Variants in LEPR observed in about 807,000 individuals in gnomAD.
LEPR encodes OB receptor.
LEPR carries 56 observed loss-of-function variants against 114.7 expected under a neutral mutation model. The ratio of observed to expected loss-of-function variants is 0.49; its 90% CI spans 0.39 to 0.61. The LOEUF is 0.61. LEPR is among the 20% of genes least tolerant of loss of function. The probability of loss-of-function intolerance (pLI) is 0.00; values close to 1 mark genes in which losing one functional copy is unlikely to be tolerated. For synonymous variants in LEPR, 443 were observed against 461.4 expected, an observed-to-expected ratio of 0.96 and a Z score of 0.51; for missense variants, 1,202 against 1,352.9, an observed-to-expected ratio of 0.89 and a Z score of 1.75.
At chr1:65,541,973 G>A (rs1651219906) in intron 2 of LEPR, among the ~76,000 whole-genome samples, 1 of 152,060 alleles carries the variant, frequency 6.6e-6, no homozygotes, top group South Asian at 2.1e-4. Context: ...AATTTGATAG[G>A]TAAAAATAAC....
At chr1:65,546,128 T>C (rs1366121591) in intron 2 of LEPR, among the ~76,000 whole-genome samples, 1 of 151,790 alleles carries the variant, frequency 6.6e-6, no homozygotes, top group Non-Finnish European at 1.5e-5. Flanking sequence ...AGATATGCAG[T>C]GTTATTTCTG....
intron 1 of LEPR, among the ~76,000 whole-genome samples, chr1:65,422,361 G>C (rs1434872770): frequency 6.6e-6 from 1 of 152,196 alleles, no homozygotes; most frequent in African/African-American, 2.4e-5. Context: ...CAACCACTGA[G>C]TGTTAGGAAG....
intron 2 of LEPR, among the ~76,000 whole-genome samples, chr1:65,539,417 T>A (rs973060817): frequency 6.6e-6 from 1 of 152,210 alleles, no homozygotes; most frequent in African/African-American, 2.4e-5. Flanking sequence ...ATGTGACTTC[T>A]GTGCATATGG....
intron 2 of LEPR, among the ~76,000 whole-genome samples, chr1:65,470,040 C>T (rs528182737): frequency 6.6e-6 from 1 of 152,330 alleles, no homozygotes; most frequent in East Asian, 1.9e-4. Context: ...GGAAATGTTT[C>T]CCTCTCTGCC....
intron 5 of LEPR, among the ~76,000 whole-genome samples, chr1:65,578,533 T>C (rs1162835861): frequency 1.3e-5 from 2 of 152,108 alleles, no homozygotes; most frequent in Non-Finnish European, 2.9e-5. Context: ...GGCTACACTT[T>C]GAACAAAAGG....
At chr1:65,451,896 C>A (rs1189226391) in intron 2 of LEPR, among the ~76,000 whole-genome samples, 3 of 151,772 alleles carry the variant, frequency 2.0e-5, no homozygotes, top group African/African-American at 4.8e-5. Context: ...AATATTGATT[C>A]TTCCTACCCA....
intron 2 of LEPR, among the ~76,000 whole-genome samples, chr1:65,462,398 A>T (rs1185259072): frequency 1.3e-5 from 2 of 152,194 alleles, no homozygotes; most frequent in African/African-American, 2.4e-5. Flanking sequence ...CCGTTCTATC[A>T]TTGATAGACA....
At chr1:65,566,400 A>G (rs1263595772) in intron 3 of LEPR, among the ~76,000 whole-genome samples, 1 of 151,982 alleles carries the variant, frequency 6.6e-6, no homozygotes. Flanking sequence ...ACGGGGTTTC[A>G]CTGCGTTGGC....
intron 2 of LEPR, among the ~76,000 whole-genome samples, chr1:65,558,283 A>G (rs1242720688): frequency 6.6e-6 from 1 of 152,204 alleles, no homozygotes; most frequent in Non-Finnish European, 1.5e-5. Context: ...AACCATTGTG[A>G]TATCAGTGTA....
At chr1:65,503,966 A>G (rs2100532159) in intron 2 of LEPR, among the ~76,000 whole-genome samples, 1 of 152,256 alleles carries the variant, frequency 6.6e-6, no homozygotes, top group Non-Finnish European at 1.5e-5. Context: ...CAGGAAGCAT[A>G]CAATATAAGT....
chr1:65,569,694 C>A (rs567409617), intron 3 of LEPR, among the ~76,000 whole-genome samples: 1 of 111,972 alleles, frequency 8.9e-6, no homozygotes, highest in Non-Finnish European at 1.7e-5. Flanking sequence ...GCAACAAGAG[C>A]GAAATTCCAT....
intron 5 of LEPR, among the ~76,000 whole-genome samples, chr1:65,573,034 C>T (rs1022144013): frequency 1.3e-5 from 2 of 152,198 alleles, no homozygotes; most frequent in Admixed American, 1.3e-4. Context: ...CCTGGCTCCC[C>T]TCGTCAGAGC....
chr1:65,525,489 C>T (rs541927952), intron 2 of LEPR: 178 of 304,816 alleles, frequency 5.8e-4, no homozygotes, highest in Non-Finnish European at 7.8e-4. Flanking sequence ...GCATTCCCCG[C>T]CGCCGCCCCC....
chr1:65,491,980 A>G (rs1311064443), intron 2 of LEPR, among the ~76,000 whole-genome samples: 1 of 152,152 alleles, frequency 6.6e-6, no homozygotes, highest in Non-Finnish European at 1.5e-5. Context: ...TTTAGAATTT[A>G]GCTAAGAATA....
chr1:65,484,690 A>G (rs10159112), intron 2 of LEPR, among the ~76,000 whole-genome samples: 29,321 of 152,040 alleles, frequency 0.19, 3,392 homozygotes, highest in African/African-American at 0.33. Flanking sequence ...TCTGGCTTCA[A>G]TAATAACTCA....
chr1:65,637,202 T>A lies in LEPR; in HGVS notation c.*187T>A. ...AAATTTGAGAAAGCCTTCATAAGCCTACCAATGTAGACACGCTCTTCTATT... is the reference window on the plus strand; with the variant it reads ...AAATTTGAGAAAGCCTTCATAAGCCAACCAATGTAGACACGCTCTTCTATT... On this transcript the variant is annotated 3_prime_UTR_variant, in exon 20 of 20. Coordinates refer to ENST00000349533, the MANE Select transcript of LEPR (RefSeq NM_002303.6). The A allele has an allele frequency of 1.7e-6, 1 of 585,178 alleles. No individual in the cohort carries two copies. The highest frequency in any genetic ancestry group is 2.9e-6 in the Non-Finnish European group (1 of 347,970). The allele number at this position is 585,178 out of a possible 1,614,324, so 36.2% of individuals were successfully genotyped here.
At chr1:65,463,775 CTT>C (rs1646975973) in intron 2 of LEPR, among the ~76,000 whole-genome samples, 1 of 152,088 alleles carries the variant, frequency 6.6e-6, no homozygotes, top group South Asian at 2.1e-4. Flanking sequence ...ATTTTATCCT[CTT>C]TGTATTAATT....
intron 2 of LEPR, among the ~76,000 whole-genome samples, chr1:65,484,523 C>T (rs1647383388): frequency 6.6e-6 from 1 of 152,038 alleles, no homozygotes; most frequent in South Asian, 2.1e-4. Flanking sequence ...GTGGACTGTA[C>T]AAAGAGAGCG....
At chr1:65,605,876 T>G (rs1049423776) in intron 11 of LEPR, among the ~76,000 whole-genome samples, 2 of 152,190 alleles carry the variant, frequency 1.3e-5, no homozygotes, top group African/African-American at 4.8e-5. Flanking sequence ...TTTGGTGCTG[T>G]TACATATGTA....
Sources: allele counts gnomAD v4.1 joint callset (sites outside exome capture counted in the v4.1 genomes callset), GRCh38; gene constraint gnomAD v4.1.1; transcripts MANE v1.5; gene names NCBI Gene and HGNC (gene_info 2026-07-23, HGNC 2026-07-21).